STIM2: variants seen among roughly 807,000 people sequenced by gnomAD.
STIM2 encodes stromal interaction molecule 2.
Under a neutral mutation model 85.8 loss-of-function variants are expected in STIM2, and 31 were observed. That is an observed-to-expected ratio of 0.36 (90% CI 0.27 to 0.49). The LOEUF is 0.49. STIM2 is among the 20% of genes least tolerant of loss of function. The probability of loss-of-function intolerance (pLI) is 0.98; values close to 1 mark genes in which losing one functional copy is unlikely to be tolerated. For missense variants in STIM2, 841 were observed against 927.6 expected (o/e 0.91, Z 1.21); for synonymous variants, 356 against 331.1 (o/e 1.08, Z -0.82).
intron 3 of STIM2, among the ~76,000 whole-genome samples, chr4:26,973,141 A>T (rs537839324): frequency 6.6e-6 from 1 of 151,578 alleles, no homozygotes; most frequent in East Asian, 1.9e-4. Context: ...TTTCTTCTTT[A>T]TTAATCTTGC....
chr4:26,951,054 A>G (rs916023484), intron 2 of STIM2, among the ~76,000 whole-genome samples: 2 of 152,090 alleles, frequency 1.3e-5, no homozygotes, highest in Admixed American at 6.6e-5. Flanking sequence ...TTAAGGGTAA[A>G]CGGATATACC....
chr4:26,997,243 T>C (rs779584398), intron 4 of STIM2, among the ~76,000 whole-genome samples: 57 of 152,186 alleles, frequency 3.7e-4, no homozygotes, highest in Admixed American at 1.3e-4. Context: ...CAAGAATGTA[T>C]AAGAAAATGT....
intron 3 of STIM2, among the ~76,000 whole-genome samples, chr4:26,975,595 A>G (rs1453271763): frequency 4.6e-5 from 7 of 152,188 alleles, no homozygotes; most frequent in Non-Finnish European, 8.8e-5. Context: ...CAGAACAGCA[A>G]ATATTGCTGC....
Position 26,861,182 on chromosome 4 carries a change from G to A in STIM2, c.-37G>A, listed in dbSNP as rs376049201. On this transcript the variant is annotated 5_prime_UTR_variant, in exon 1 of 12. In the 5' UTR this introduces an upstream ATG that the reference lacks. Coordinates refer to ENST00000467087, the MANE Select transcript of STIM2 (RefSeq NM_020860.4). ...ATCCCGCCTCGACTCCTGGCCCAGC[G>A]TGGGGCTGGCTGCTGCGGCGGCGGC... 2.1e-3 allele frequency: 2,965 copies of A among 1,430,160 alleles called. 10 individuals are homozygous for A. The highest frequency in any genetic ancestry group is 3.7e-3 in the Middle Eastern group (14 of 3,820). 88.6% of individuals were successfully genotyped at this position (1,430,160 alleles called of 1,614,324 possible).
intron 1 of STIM2, among the ~76,000 whole-genome samples, chr4:26,914,596 A>G (rs540330878): frequency 1.3e-5 from 2 of 152,346 alleles, no homozygotes; most frequent in South Asian, 4.1e-4. Context: ...TATTTGCTAC[A>G]TAAATGAATT....
chr4:26,953,795 C>T (rs538285771), intron 2 of STIM2, among the ~76,000 whole-genome samples: 4 of 152,112 alleles, frequency 2.6e-5, no homozygotes, highest in South Asian at 4.1e-4. Context: ...TAGACTGTCT[C>T]GACTACTCAT....
rs180873975 is a variant in STIM2, at chr4:26,945,103, C to T, written c.283-12509C>T. ...TGATCCTCTCCCTCTTTTTACCCCC[C>T]ACCCTCTGGGAGTCTCCAGTGTGTG... is the stretch of plus-strand genomic sequence containing the variant. On this transcript the variant is annotated intron_variant, in intron 2 of 11. Coordinates refer to ENST00000467087, the MANE Select transcript of STIM2 (RefSeq NM_020860.4). 1.8e-3 allele frequency among the ~76,000 whole-genome samples: 275 copies of T among 152,286 alleles called. 2 individuals carry two copies. Among genetic ancestry groups the T allele is most frequent in the Non-Finnish European group, 2.4e-3 (162 of 68,006 alleles).
intron 11 of STIM2, chr4:27,019,747 G>A (rs1687988388): frequency 3.3e-6 from 1 of 299,704 alleles, no homozygotes; most frequent in Admixed American, 4.2e-5. Context: ...GCACATATAT[G>A]CTCATTTAAA....
At chr4:26,890,929 A>G (rs1577419223) in intron 1 of STIM2, among the ~76,000 whole-genome samples, 1 of 152,128 alleles carries the variant, frequency 6.6e-6, no homozygotes, top group African/African-American at 2.4e-5. Flanking sequence ...TGAGCCTGTC[A>G]GTAGAGGCTT....
chr4:26,907,284 T>C (rs1390819198), intron 1 of STIM2, among the ~76,000 whole-genome samples: 3 of 152,174 alleles, frequency 2.0e-5, no homozygotes, highest in Admixed American at 6.6e-5. Context: ...TTAGAACATA[T>C]AGTTAGAACT....
chr4:26,975,088 C>A (rs1024800576), intron 3 of STIM2, among the ~76,000 whole-genome samples: 1 of 152,146 alleles, frequency 6.6e-6, no homozygotes, highest in Non-Finnish European at 1.5e-5. Context: ...TCAGCTCCAT[C>A]AGGTCATTTA....
At chr4:26,995,290 TA>T in intron 3 of STIM2, 88 bp from the exon 4 acceptor site, 1 of 665,254 alleles carries the variant, frequency 1.5e-6, no homozygotes, top group Non-Finnish European at 2.4e-6. Context: ...AAATGCAATC[TA>T]ATATCTTTAT....
At chr4:27,003,307 C>T (rs1464672451) in intron 7 of STIM2, among the ~76,000 whole-genome samples, 1 of 152,130 alleles carries the variant, frequency 6.6e-6, no homozygotes, top group Non-Finnish European at 1.5e-5. Flanking sequence ...TAGTTACCAT[C>T]ATGTTCACTC....
chr4:27,007,565 A>G lies in STIM2; in HGVS notation c.1014A>G (p.Glu338=), dbSNP rs780464550. ...TGGCTCTGAAAAAGGCCGAAAAAGAATTTGAACTGAGAAGCAGTTGGTCTG... is the reference window on the plus strand; with the variant it reads ...TGGCTCTGAAAAAGGCCGAAAAAGAGTTTGAACTGAGAAGCAGTTGGTCTG... The change falls in exon 8 of 12, where the codon GAA becomes GAG. Residue 338 remains glutamate (E), a synonymous_variant. Coordinates refer to ENST00000467087, the MANE Select transcript of STIM2 (RefSeq NM_020860.4). 1.9e-6 allele frequency: 3 copies of G among 1,581,458 alleles called. No individual in the cohort carries two copies. Among genetic ancestry groups the G allele is most frequent in the South Asian group, 1.2e-5 (1 of 85,058 alleles).
intron 3 of STIM2, among the ~76,000 whole-genome samples, chr4:26,980,017 G>A (rs1340139583): frequency 6.6e-6 from 1 of 152,074 alleles, no homozygotes; most frequent in African/African-American, 2.4e-5. Flanking sequence ...TCCCATCTTG[G>A]CCTCCCAAAG....
chr4:26,948,904 G>C (rs567959754), intron 2 of STIM2, among the ~76,000 whole-genome samples: 45 of 152,146 alleles, frequency 3.0e-4, no homozygotes, highest in African/African-American at 9.9e-4. Context: ...GAAGATTCTT[G>C]TTAGCTTCCT....
chr4:26,905,951 T>A (rs1249842480), intron 1 of STIM2, among the ~76,000 whole-genome samples: 1 of 152,192 alleles, frequency 6.6e-6, no homozygotes, highest in Admixed American at 6.5e-5. Flanking sequence ...TTTATGTGTG[T>A]GTGTATATGT....
chr4:26,939,204 ATC>A (rs1468588780), intron 2 of STIM2, among the ~76,000 whole-genome samples: 13 of 152,060 alleles, frequency 8.5e-5, no homozygotes, highest in African/African-American at 3.1e-4. Flanking sequence ...GCTTCCTATC[ATC>A]TAAACTCGTG....
At chr4:26,954,235 A>ATG (rs1726162278) in intron 2 of STIM2, among the ~76,000 whole-genome samples, 2 of 152,224 alleles carry the variant, frequency 1.3e-5, no homozygotes, top group Non-Finnish European at 2.9e-5. Context: ...CAAACTGGAT[A>ATG]TGTAAAGCAT....
Sources: gnomAD v4.1 joint callset for allele counts (sites outside exome capture counted in the v4.1 genomes callset) on GRCh38, gnomAD v4.1.1 for gene constraint, MANE v1.5 for transcripts, NCBI Gene and HGNC (gene_info 2026-07-23, HGNC 2026-07-21) for gene names.